SLC4A10: variants seen among roughly 807,000 people sequenced by gnomAD.
SLC4A10 encodes solute carrier family 4 member 10, also known as sodium-driven chloride bicarbonate exchanger.
In SLC4A10, 42 loss-of-function variants were observed where a neutral mutation model predicts 137.7. The ratio of observed to expected loss-of-function variants is 0.30; its 90% CI spans 0.24 to 0.39. The LOEUF (loss-of-function observed/expected upper bound fraction) is 0.39, where lower values mean the gene tolerates loss of function less well. Ranked by LOEUF, SLC4A10 falls within the 10% of genes least tolerant of loss-of-function variation. The pLI is 1.00. For missense variants in SLC4A10, 925 were observed against 1,355.0 expected (o/e 0.68, Z 4.98); for synonymous variants, 474 against 464.1 (o/e 1.02, Z -0.27).
chr2:161,911,065 C>T (rs1204633287), intron 15 of SLC4A10, among the ~76,000 whole-genome samples: 2 of 151,332 alleles, frequency 1.3e-5, no homozygotes, highest in Non-Finnish European at 3.0e-5. Context: ...AATAAACATA[C>T]ATTAAGTATC....
At chr2:161,722,890 G>C (rs1381982234) in intron 1 of SLC4A10, among the ~76,000 whole-genome samples, 1 of 152,204 alleles carries the variant, frequency 6.6e-6, no homozygotes, top group Non-Finnish European at 1.5e-5. Flanking sequence ...AATTCTCACA[G>C]GGATGCCCTG....
At chr2:161,749,852 T>G (rs1255610658) in intron 1 of SLC4A10, among the ~76,000 whole-genome samples, 3 of 151,914 alleles carry the variant, frequency 2.0e-5, no homozygotes, top group Non-Finnish European at 2.9e-5. Context: ...ACTAGTTTTT[T>G]GAATGATTGG....
At chr2:161,713,192 G>A (rs559928378) in intron 1 of SLC4A10, among the ~76,000 whole-genome samples, 1 of 151,914 alleles carries the variant, frequency 6.6e-6, no homozygotes, top group Non-Finnish European at 1.5e-5. Context: ...AAGGTTTGTT[G>A]GGACCAGATA....
intron 10 of SLC4A10, among the ~76,000 whole-genome samples, chr2:161,893,915 T>C (rs1012276396): frequency 2.0e-5 from 3 of 151,900 alleles, no homozygotes; most frequent in Non-Finnish European, 4.4e-5. Context: ...AAGTGGAAAC[T>C]ATGTTTTTGA....
intron 1 of SLC4A10, among the ~76,000 whole-genome samples, chr2:161,698,955 G>A (rs2124987793): frequency 6.6e-6 from 1 of 152,138 alleles, no homozygotes; most frequent in Admixed American, 6.5e-5. Context: ...TTTTTGGTTG[G>A]TAGGCTATTA....
At chr2:161,945,926 A>G (rs1158303827) in intron 16 of SLC4A10, among the ~76,000 whole-genome samples, 1 of 151,928 alleles carries the variant, frequency 6.6e-6, no homozygotes, top group Admixed American at 6.6e-5. Flanking sequence ...AAATTTATAG[A>G]TAATGTGTTT....
chr2:161,739,462 G>A (rs2047662506), intron 1 of SLC4A10, among the ~76,000 whole-genome samples: 1 of 152,126 alleles, frequency 6.6e-6, no homozygotes, highest in Admixed American at 6.6e-5. Context: ...TGTACAGTGT[G>A]TTCCTTGGTT....
intron 2 of SLC4A10, among the ~76,000 whole-genome samples, chr2:161,774,089 T>A (rs950338919): frequency 6.6e-6 from 1 of 151,830 alleles, no homozygotes; most frequent in Admixed American, 6.6e-5. Flanking sequence ...TACTTCTGTT[T>A]CCTGCAATAA....
chr2:161,781,877 A>G (rs2053058535), intron 2 of SLC4A10, among the ~76,000 whole-genome samples: 1 of 152,106 alleles, frequency 6.6e-6, no homozygotes, highest in African/African-American at 2.4e-5. Flanking sequence ...TGTCTGCCAA[A>G]ATTTCTACCC....
At chr2:161,916,598 A>G (rs1490561527) in intron 15 of SLC4A10, among the ~76,000 whole-genome samples, 1 of 152,172 alleles carries the variant, frequency 6.6e-6, no homozygotes, top group Non-Finnish European at 1.5e-5. Context: ...CCTTTAAGGT[A>G]TGGCTTCATC....
chr2:161,757,991 T>C (rs2049851230), intron 1 of SLC4A10, among the ~76,000 whole-genome samples: 1 of 152,036 alleles, frequency 6.6e-6, no homozygotes, highest in African/African-American at 2.4e-5. Flanking sequence ...ATATTTTTAC[T>C]CACCCATTTT....
At chr2:161,939,235 C>T (rs1228729271) in intron 15 of SLC4A10, among the ~76,000 whole-genome samples, 1 of 152,050 alleles carries the variant, frequency 6.6e-6, no homozygotes, top group African/African-American at 2.4e-5. Flanking sequence ...TGCCACCATG[C>T]CTCCCTAATT....
chr2:161,745,271 C>T (rs1469979914), intron 1 of SLC4A10, among the ~76,000 whole-genome samples: 1 of 152,144 alleles, frequency 6.6e-6, no homozygotes, highest in African/African-American at 2.4e-5. Context: ...TCTGACTCCT[C>T]TGATTGTGTA....
chr2:161,846,315 C>G, intron 4 of SLC4A10, among the ~76,000 whole-genome samples: 1 of 152,050 alleles, frequency 6.6e-6, no homozygotes, highest in East Asian at 1.9e-4. Context: ...AAAAAATAGT[C>G]ATAATAACAA....
intron 1 of SLC4A10, among the ~76,000 whole-genome samples, chr2:161,753,980 C>T (rs1232684013): frequency 6.6e-6 from 1 of 151,756 alleles, no homozygotes; most frequent in Non-Finnish European, 1.5e-5. Context: ...ATCTCTGCCT[C>T]CTGGGTTCAA....
At chr2:161,648,518 A>G (rs190860204) in intron 1 of SLC4A10, among the ~76,000 whole-genome samples, 18 of 152,342 alleles carry the variant, frequency 1.2e-4, no homozygotes, top group African/African-American at 4.3e-4. Flanking sequence ...TGTTCTTTAA[A>G]AACAATAAAT....
At chr2:161,863,146 T>G in intron 6 of SLC4A10, 84 bp downstream of exon 6, 1 of 1,252,950 alleles carries the variant, frequency 8.0e-7, no homozygotes, top group South Asian at 2.0e-5. Flanking sequence ...AAAACTTGTT[T>G]TATTTGAAAA....
chr2:161,868,851 T>C (rs1239375007), intron 6 of SLC4A10, among the ~76,000 whole-genome samples: 1 of 151,694 alleles, frequency 6.6e-6, no homozygotes, highest in Non-Finnish European at 1.5e-5. Flanking sequence ...AATAGATTAC[T>C]CAATGTCTTT....
intron 1 of SLC4A10, among the ~76,000 whole-genome samples, chr2:161,691,738 G>A (rs2042022081): frequency 1.3e-5 from 2 of 152,104 alleles, no homozygotes; most frequent in Non-Finnish European, 2.9e-5. Flanking sequence ...ATCTCATAGA[G>A]GAGATAATCT....
Sources: gnomAD v4.1 joint callset for allele counts (sites outside exome capture counted in the v4.1 genomes callset) on GRCh38, gnomAD v4.1.1 for gene constraint, MANE v1.5 for transcripts, NCBI Gene and HGNC (gene_info 2026-07-23, HGNC 2026-07-21) for gene names.